CDH2: variants seen among roughly 807,000 people sequenced by gnomAD.
The protein encoded by CDH2 is cadherin-2.
A neutral mutation model predicts 92.0 loss-of-function variants in CDH2; 17 were observed. That is an observed-to-expected ratio of 0.18 (90% CI 0.13 to 0.28). The LOEUF (loss-of-function observed/expected upper bound fraction) is 0.28. CDH2 is among the 10% of genes least tolerant of loss of function. The pLI, the probability that CDH2 is intolerant of heterozygous loss-of-function variation, is 1.00. For missense variants in CDH2, 862 were observed against 1,133.1 expected (o/e 0.76, Z 3.44); for synonymous variants, 419 against 415.9 (o/e 1.01, Z -0.09).
At chr18:28,074,191 T>A (rs987620800) in intron 2 of CDH2, among the ~76,000 whole-genome samples, 2 of 152,144 alleles carry the variant, frequency 1.3e-5, no homozygotes, top group African/African-American at 4.8e-5. Context: ...TGGATGACAC[T>A]CACTTCTCAA....
intron 1 of CDH2, among the ~76,000 whole-genome samples, chr18:28,173,309 A>G (rs2016491104): frequency 6.6e-6 from 1 of 152,142 alleles, no homozygotes; most frequent in Non-Finnish European, 1.5e-5. Flanking sequence ...ATTAGTAATG[A>G]CCGCATGCCT....
rs181813606 is a variant in CDH2, at chr18:27,992,844, C to A, written c.1159-4G>T. ...TCTCAGGAACTTCACCATAAAACTG[C>A]GAGAAAGACAAACCTCAGTCAGAGG... On this transcript the variant is annotated splice_region_variant and splice_polypyrimidine_tract_variant and intron_variant, in intron 8 of 15. Coordinates refer to ENST00000269141, the MANE Select transcript of CDH2 (RefSeq NM_001792.5). 5.6e-6 allele frequency: 9 copies of A among 1,609,908 alleles called. No individual in the cohort carries two copies. The highest frequency in any genetic ancestry group is 7.6e-6 in the Non-Finnish European group (9 of 1,177,380).
chr18:27,996,038 C>T (rs10502506), intron 7 of CDH2, among the ~76,000 whole-genome samples: 28,134 of 151,902 alleles, frequency 0.19, 2,878 homozygotes, highest in South Asian at 0.36. Flanking sequence ...CTCAGCTGAT[C>T]AAGGGGATTC....
chr18:27,957,122 T>TCCATCCATCCC (rs2011267666), intron 15 of CDH2, among the ~76,000 whole-genome samples: 2 of 24,558 alleles, frequency 8.1e-5, no homozygotes, highest in Non-Finnish European at 1.3e-4. Flanking sequence ...ATCTGATTAA[T>TCCATCCATCCC]ATCCATCCAT....
chr18:27,945,954 T>C (rs1479343121), intron 6 of CDH2, among the ~76,000 whole-genome samples: 1 of 152,156 alleles, frequency 6.6e-6, no homozygotes, highest in East Asian at 1.9e-4. Context: ...CAGACTAAAA[T>C]CACACACATA....
intron 5 of CDH2, among the ~76,000 whole-genome samples, chr18:28,008,555 T>C (rs1233137768): frequency 6.6e-6 from 1 of 152,070 alleles, no homozygotes; most frequent in African/African-American, 2.4e-5. Flanking sequence ...TGAGAACACT[T>C]AGACACAGGG....
At chr18:28,089,610 C>T (rs2015000154) in intron 2 of CDH2, among the ~76,000 whole-genome samples, 1 of 152,104 alleles carries the variant, frequency 6.6e-6, no homozygotes, top group Non-Finnish European at 1.5e-5. Flanking sequence ...AAAGCAATTT[C>T]AATTGCAATT....
chr18:28,043,923 T>TTTC (rs2014016735), intron 2 of CDH2, among the ~76,000 whole-genome samples: 3 of 117,518 alleles, frequency 2.6e-5, no homozygotes, highest in Non-Finnish European at 5.1e-5. Context: ...TTTTTTTTTT[T>TTTC]GGAGACAGAG....
At chr18:28,141,115 G>C (rs1323402017) in intron 2 of CDH2, among the ~76,000 whole-genome samples, 2 of 151,612 alleles carry the variant, frequency 1.3e-5, no homozygotes, top group Non-Finnish European at 1.5e-5. Context: ...AAAACAATTT[G>C]ACAGCTGCTC....
At chr18:27,983,110 T>C (rs757952322) in intron 13 of CDH2, 27 bp from the exon 14 acceptor site, 2 of 1,576,522 alleles carry the variant, frequency 1.3e-6, no homozygotes, top group Non-Finnish European at 1.7e-6. Context: ...TAAAAATACA[T>C]AATATTGTCA....
chr18:28,062,968 G>A (rs1164055460), intron 2 of CDH2, among the ~76,000 whole-genome samples: 1 of 152,084 alleles, frequency 6.6e-6, no homozygotes, highest in Non-Finnish European at 1.5e-5. Flanking sequence ...TCATGACTCT[G>A]TCTCAGAAAC....
chr18:27,988,199 T>G (rs1354175493), intron 11 of CDH2, among the ~76,000 whole-genome samples: 1 of 152,100 alleles, frequency 6.6e-6, no homozygotes, highest in African/African-American at 2.4e-5. Flanking sequence ...ACAGAGTGAC[T>G]AGAAGACATA....
intron 2 of CDH2, among the ~76,000 whole-genome samples, chr18:28,068,711 G>T (rs1333599864): frequency 2.0e-5 from 3 of 152,164 alleles, no homozygotes; most frequent in Non-Finnish European, 4.4e-5. Context: ...AGATTTAAGA[G>T]TACACTTGGT....
intron 2 of CDH2, among the ~76,000 whole-genome samples, chr18:28,040,459 A>T (rs927942299): frequency 6.6e-6 from 1 of 152,200 alleles, no homozygotes; most frequent in Admixed American, 6.6e-5. Context: ...AGACAATGTT[A>T]ATTTTCTTAG....
At chr18:28,017,355 C>T (rs2013278246) in intron 2 of CDH2, among the ~76,000 whole-genome samples, 1 of 151,980 alleles carries the variant, frequency 6.6e-6, no homozygotes, top group Non-Finnish European at 1.5e-5. Context: ...TTGTATACTT[C>T]CAGGAATTTA....
intron 15 of CDH2, among the ~76,000 whole-genome samples, chr18:27,955,948 C>G (rs992110787): frequency 6.6e-6 from 1 of 151,978 alleles, no homozygotes; most frequent in African/African-American, 2.4e-5. Context: ...TAAATCCCTT[C>G]CATTTGGATA....
intron 2 of CDH2, among the ~76,000 whole-genome samples, chr18:28,053,221 T>C (rs2014226548): frequency 7.0e-6 from 1 of 143,560 alleles, no homozygotes; most frequent in Non-Finnish European, 1.6e-5. Context: ...CATTCCACCA[T>C]GTAATTGTAG....
At chr18:28,150,486 T>C (rs1420586415) in intron 1 of CDH2, among the ~76,000 whole-genome samples, 2 of 152,192 alleles carry the variant, frequency 1.3e-5, no homozygotes, top group African/African-American at 4.8e-5. Flanking sequence ...TTCAGGGCCA[T>C]GTCGAAGCTG....
chr18:28,084,838 A>C (rs1198865308), intron 2 of CDH2, among the ~76,000 whole-genome samples: 2 of 152,138 alleles, frequency 1.3e-5, no homozygotes, highest in African/African-American at 4.8e-5. Flanking sequence ...CTAATCTGGT[A>C]ACCAGTAACA....
Sources: allele counts gnomAD v4.1 joint callset (sites outside exome capture counted in the v4.1 genomes callset), GRCh38; gene constraint gnomAD v4.1.1; transcripts MANE v1.5; gene names NCBI Gene and HGNC (gene_info 2026-07-23, HGNC 2026-07-21).